VLDLR: variants seen among roughly 807,000 people sequenced by gnomAD.
VLDLR encodes the protein very low-density lipoprotein receptor.
VLDLR carries 81 observed loss-of-function variants against 112.7 expected under a neutral mutation model. The observed-to-expected ratio is 0.72, with a 90% CI of 0.60 to 0.86. The LOEUF is 0.86. Ranked by LOEUF, VLDLR falls within the 40% of genes least tolerant of loss-of-function variation. The pLI, the probability that VLDLR is intolerant of heterozygous loss-of-function variation, is 0.00. For synonymous variants in VLDLR, 436 were observed against 384.8 expected (o/e 1.13, Z -1.56); for missense variants, 1,237 against 1,099.4 (o/e 1.13, Z -1.77).
chr9:2,651,881 T>C lies in VLDLR; in HGVS notation c.2343T>C (p.Asn781=), dbSNP rs749245668. The C allele has an allele frequency of 5.0e-6, 8 of 1,614,106 alleles. 1 individual carries two copies. Among genetic ancestry groups the C allele is most frequent in the Non-Finnish European group, 5.9e-6 (7 of 1,179,956 alleles). The part of the protein sequence containing the change: ...ATSGLVPGGI[N]VTTAVSEVSV... ...CCTTTTATTCCTCTGTAGGGATCAA[T>C]GTGACCACAGCAGTATCAGAGGTCA... Residue 781 remains asparagine (N), a synonymous_variant, in exon 17 of 19, where the codon AAT becomes AAC. Coordinates refer to ENST00000382100, the MANE Select transcript of VLDLR (RefSeq NM_003383.5).
rs113269926 is a variant in VLDLR, at chr9:2,650,633, A to G, written c.2251+117A>G. 9 of 1,393,464 alleles carry G rather than the reference A, an allele frequency of 6.5e-6. No individual in the cohort carries two copies. In the African/African-American group the frequency reaches 8.6e-5, roughly 13 times the overall value. 86.3% of individuals were successfully genotyped at this position (1,393,464 alleles called of 1,614,324 possible). A position where few individuals can be genotyped will look rare whatever the true frequency, so the allele number is the denominator to read the frequency against. On this transcript the variant is annotated intron_variant, in intron 15 of 18. Coordinates refer to ENST00000382100, the MANE Select transcript of VLDLR (RefSeq NM_003383.5). The stretch of plus-strand genomic sequence containing the variant: ...TAATTCTTTGAATAGATTTGAGAAG[A>G]TATCTGCTATTGTATGCCGGGTTAT...
Position 2,646,564 on chromosome 9 carries a change from G to C in VLDLR, c.1703+12G>C. ...GACCCACTGTCTGGGTTTGTAGTCT[G>C]TTTTCCATCACAGACTTTGGAATGG... On this transcript the variant is annotated intron_variant, in intron 11 of 18. Coordinates refer to ENST00000382100, the MANE Select transcript of VLDLR (RefSeq NM_003383.5). 6.2e-7 allele frequency: 1 copy of C among 1,613,274 alleles called. No individual in the cohort carries two copies.
intron 2 of VLDLR, among the ~76,000 whole-genome samples, chr9:2,638,055 A>G (rs755786335): frequency 1.3e-5 from 2 of 152,216 alleles, no homozygotes; most frequent in Non-Finnish European, 2.9e-5. Flanking sequence ...TCACAGGTTG[A>G]ATTATAGCAA....
rs376853144 is a variant in VLDLR, at chr9:2,643,481, G to A, written c.770G>A (p.Arg257Gln). The change falls in exon 5 of 19, where the codon CGA becomes CAA. Residue 257 changes from arginine to glutamine, a missense_variant. Physicochemically the swap from Arg to Gln is conservative, Grantham distance 43. Coordinates refer to ENST00000382100, the MANE Select transcript of VLDLR (RefSeq NM_003383.5). ...GGCGAGTGCATCCATAAGAAGTGGC[G>A]ATGTGATGGGGACCCTGACTGCAAG... The part of the protein sequence containing the change: ...GSGECIHKKW[R>Q]CDGDPDCKDG... 3.0e-5 allele frequency: 49 copies of A among 1,614,038 alleles called. No homozygotes were observed. Among genetic ancestry groups the A allele is most frequent in the Non-Finnish European group, 3.4e-5 (40 of 1,180,034 alleles).
rs1234948216 is a variant in VLDLR, at chr9:2,647,611, C to G, written c.1822+19C>G. On this transcript the variant is annotated intron_variant, in intron 12 of 18. Coordinates refer to ENST00000382100, the MANE Select transcript of VLDLR (RefSeq NM_003383.5). ...ACACTTGGTATGTATGTTCTTCCTT[C>G]TCGACCACCCACTCAACTATCTTCA... The G allele has an allele frequency of 6.3e-7, 1 of 1,582,998 alleles. No individual in the cohort carries two copies. Among genetic ancestry groups the G allele is most frequent in the Non-Finnish European group, 8.7e-7 (1 of 1,151,670 alleles).
intron 1 of VLDLR, among the ~76,000 whole-genome samples, chr9:2,629,634 C>A (rs766755306): frequency 1.6e-4 from 24 of 152,140 alleles, no homozygotes; most frequent in African/African-American, 5.6e-4. Context: ...ACAACAAAAA[C>A]GATTTGATTA....
rs777836020 is a variant in VLDLR at position 2,643,367 on chromosome 9, C to T, written c.656C>T (p.Ser219Phe). 1.9e-6 allele frequency: 3 copies of T among 1,614,028 alleles called. No individual in the cohort carries two copies. In the Admixed American group the frequency reaches 5.0e-5, roughly 27 times the overall value. Residue 219 changes from serine to phenylalanine, a missense_variant, in exon 5 of 19, where the codon TCC becomes TTC. Ser to Phe is a radical substitution (Grantham distance 155). Transcript: ENST00000382100. ...GTATGCGACGATGATGCAGACTGCT[C>T]CGACCAATCTGATGAGTCCCTGGAG... ...SWVCDDDADC[S>F]DQSDESLEQC...
At chr9:2,631,593 G>A (rs35629897) in intron 1 of VLDLR, among the ~76,000 whole-genome samples, 2,668 of 152,194 alleles carry the variant, frequency 0.018, 74 homozygotes, top group African/African-American at 0.054. Flanking sequence ...GTTCTCAATC[G>A]TATGTGGAAG....
rs1817819186 is a variant in VLDLR at position 2,641,450 on chromosome 9, A to T, written c.399A>T (p.Arg133Ser). Residue 133 changes from arginine to serine, a missense_variant, in exon 4 of 19, where the codon AGA (arginine) becomes AGT (serine). By Grantham distance (110) the Arg-to-Ser change is moderately radical. Transcript: ENST00000382100. ...HSTQCIPVSW[R>S]CDGENDCDSG... ...CTCAGTGTATCCCAGTGTCCTGGAG[A>T]TGTGATGGTGAAAATGATTGTGACA... 2.5e-6 allele frequency: 4 copies of T among 1,614,162 alleles called. No individual in the cohort carries two copies. The highest frequency in any genetic ancestry group is 1.6e-4 in the Middle Eastern group (1 of 6,062).
rs1818737167 is a variant in VLDLR at position 2,659,836 on chromosome 9, T to C, written c.*5968T>C. The C allele has an allele frequency of 1.3e-5, 2 of 152,208 alleles. No homozygotes were observed. The highest frequency in any genetic ancestry group is 4.8e-5 in the African/African-American group (2 of 41,464). 9.4% of individuals were successfully genotyped at this position (152,208 alleles called of 1,614,324 possible). A position where few individuals can be genotyped will look rare whatever the true frequency, so the allele number is the denominator to read the frequency against. On this transcript the variant is annotated 3_prime_UTR_variant, in exon 19 of 19. Transcript: ENST00000382100. Reference sequence around the variant, plus strand: ...TTTTTTTGAACAAAATGACTGGCTTTGACAAAACTATCTTGCTCTTTTTAA... The same window carrying C: ...TTTTTTTGAACAAAATGACTGGCTTCGACAAAACTATCTTGCTCTTTTTAA...
At chr9:2,642,494 A>T (rs1817874475) in intron 4 of VLDLR, among the ~76,000 whole-genome samples, 1 of 152,232 alleles carries the variant, frequency 6.6e-6, no homozygotes, top group Non-Finnish European at 1.5e-5. Flanking sequence ...CGTGGTCTCT[A>T]TTCTAATTGC....
chr9:2,638,471 T>C (rs142435034), intron 2 of VLDLR, among the ~76,000 whole-genome samples: 5 of 152,310 alleles, frequency 3.3e-5, no homozygotes, highest in African/African-American at 1.2e-4. Context: ...ATATATGTTA[T>C]AGAGGAATGT....
chr9:2,621,973 G>A lies in VLDLR; in HGVS notation c.-217G>A. The A allele has an allele frequency of 1.5e-6, 1 of 661,180 alleles. No individual in the cohort carries two copies. Among genetic ancestry groups the A allele is most frequent in the Admixed American group, 2.1e-5 (1 of 46,712 alleles). 41.0% of individuals were successfully genotyped at this position (661,180 alleles called of 1,614,324 possible). ...GCTTGCACTGCTGCTGCAGCCCGGG[G>A]AGGTGGCTGGGTGGGTGGGGAGGAG... On this transcript the variant is annotated 5_prime_UTR_variant, in exon 1 of 19. Transcript: ENST00000382100.
At position 2,643,952 on chromosome 9, in the gene VLDLR, A is replaced by C. The variant is rs1817943411; in HGVS notation, c.1059A>C (p.Lys353Asn). Residue 353 changes from lysine (K) to asparagine (N), a missense_variant, in exon 7 of 19, where the codon AAA becomes AAC. Coordinates refer to ENST00000382100, the MANE Select transcript of VLDLR (RefSeq NM_003383.5). ...DCRDWSDEPL[K>N]ECHINECLVN... ...GGGACTGGAGTGATGAGCCCCTGAAAGAGTGTCGTAAGTGTACTTGTTGTT... is the reference window on the plus strand; with the variant it reads ...GGGACTGGAGTGATGAGCCCCTGAACGAGTGTCGTAAGTGTACTTGTTGTT... 4 of 1,614,082 alleles carry C rather than the reference A, an allele frequency of 2.5e-6. No homozygotes were observed. The highest frequency in any genetic ancestry group is 3.4e-6 in the Non-Finnish European group (4 of 1,179,998).
At chr9:2,645,528 T>G in intron 9 of VLDLR, 46 bp from the exon 10 acceptor site, 1 of 1,612,554 alleles carries the variant, frequency 6.2e-7, no homozygotes, top group Non-Finnish European at 8.5e-7. Context: ...AGAAAGACCT[T>G]GCCTTCTTAA....
intron 1 of VLDLR, among the ~76,000 whole-genome samples, chr9:2,626,063 A>G (rs1204550722): frequency 1.3e-5 from 2 of 152,252 alleles, no homozygotes; most frequent in African/African-American, 4.8e-5. Flanking sequence ...AGTTAAGTAC[A>G]CTAACTGCAC....
chr9:2,650,155 A>G (rs959724887), intron 14 of VLDLR, among the ~76,000 whole-genome samples: 3 of 152,220 alleles, frequency 2.0e-5, no homozygotes, highest in Admixed American at 6.5e-5. Flanking sequence ...TTTACAGTCT[A>G]TCTCGAAGAG....
intron 14 of VLDLR, among the ~76,000 whole-genome samples, chr9:2,650,160 GA>G (rs1279800586): frequency 1.1e-4 from 16 of 152,082 alleles, no homozygotes. Context: ...AGTCTATCTC[GA>G]AGAGGTCCCT....
Position 2,643,408 on chromosome 9 carries a change from C to A in VLDLR, c.697C>A (p.Pro233Thr). The change falls in exon 5 of 19, where the codon CCA becomes ACA. Residue 233 changes from proline (P) to threonine (T), a missense_variant. By Grantham distance (38) the Pro-to-Thr change is conservative. Coordinates refer to ENST00000382100, the MANE Select transcript of VLDLR (RefSeq NM_003383.5). ...GTCCCTGGAGCAGTGTGGCCGTCAG[C>A]CAGTCATACACACCAAGTGTCCAGC... ...DESLEQCGRQPVIHTKCPASE... is the reference protein window; with the variant it reads ...DESLEQCGRQTVIHTKCPASE... The A allele has an allele frequency of 2.5e-6, 4 of 1,614,170 alleles. No individual in the cohort carries two copies. Among genetic ancestry groups the A allele is most frequent in the Non-Finnish European group, 3.4e-6 (4 of 1,180,032 alleles).
Sources: allele counts gnomAD v4.1 joint callset (sites outside exome capture counted in the v4.1 genomes callset), GRCh38; gene constraint gnomAD v4.1.1; transcripts MANE v1.5; gene names NCBI Gene and HGNC (gene_info 2026-07-23, HGNC 2026-07-21).